Variants in TRUB1 observed in about 807,000 individuals in gnomAD.
The protein encoded by TRUB1 is TruB pseudouridine synthase family member 1.
A neutral mutation model predicts 33.9 loss-of-function variants in TRUB1; 23 were observed. That is an observed-to-expected ratio of 0.68 (90% CI 0.49 to 0.96). TRUB1 has a LOEUF of 0.96. TRUB1 is among the 40% of genes least tolerant of loss of function. TRUB1 has a pLI of 0.00. For synonymous variants in TRUB1, 163 were observed against 165.4 expected, an observed-to-expected ratio of 0.99 and a Z score of 0.11; for missense variants, 378 against 422.2, an observed-to-expected ratio of 0.90 and a Z score of 0.92.
chr10:114,954,294 C>T (rs535165963), intron 3 of TRUB1, among the ~76,000 whole-genome samples: 7 of 152,176 alleles, frequency 4.6e-5, no homozygotes, highest in Non-Finnish European at 8.8e-5. Context: ...AGCCTTCTCT[C>T]CCTAGCCAGT....
chr10:114,955,838 T>A (rs1285567442), intron 3 of TRUB1, among the ~76,000 whole-genome samples: 1 of 152,314 alleles, frequency 6.6e-6, no homozygotes, highest in Non-Finnish European at 1.5e-5. Flanking sequence ...GTATTGAAAA[T>A]TTTAAAGGGC....
chr10:114,970,327 T>C (rs1484653498), intron 4 of TRUB1, 41 bp from the exon 5 acceptor site: 2 of 1,395,840 alleles, frequency 1.4e-6, no homozygotes, highest in Non-Finnish European at 2.0e-6. Flanking sequence ...TACATGTACT[T>C]CTGTGGTTGT....
chr10:114,942,482 C>A (rs1242817738), intron 1 of TRUB1, among the ~76,000 whole-genome samples, 163 bp from the exon 2 acceptor site: 2 of 152,110 alleles, frequency 1.3e-5, no homozygotes, highest in Non-Finnish European at 2.9e-5. Flanking sequence ...ATTTTAAAAT[C>A]TTTTCTTTGC....
At chr10:114,942,590 A>T in intron 1 of TRUB1, 55 bp from the exon 2 acceptor site, 1 of 1,181,056 alleles carries the variant, frequency 8.5e-7, no homozygotes, top group Non-Finnish European at 1.3e-6. Flanking sequence ...GTTTATGAAG[A>T]TCCTACTTCA....
intron 4 of TRUB1, among the ~76,000 whole-genome samples, chr10:114,966,351 T>C (rs1592053468): frequency 1.3e-5 from 2 of 152,352 alleles, no homozygotes; most frequent in East Asian, 3.9e-4. Flanking sequence ...GATGTATTTA[T>C]TTTTAAACCA....
Position 114,976,278 on chromosome 10 carries a change from C to T in TRUB1, c.*899C>T, listed in dbSNP as rs2143042071. The T allele has an allele frequency of 6.6e-6, 1 of 152,264 alleles. No homozygotes were observed. The highest frequency in any genetic ancestry group is 1.5e-5 in the Non-Finnish European group (1 of 67,998). 9.4% of individuals were successfully genotyped at this position (152,264 alleles called of 1,614,324 possible). ...CTTTAGTTTGCTCTTTCAAGAGATA[C>T]TTACAGATGTTGAGATGGCTGCCCT... is the stretch of plus-strand genomic sequence containing the variant. On this transcript the variant is annotated 3_prime_UTR_variant, in exon 8 of 8. Coordinates refer to ENST00000298746, the MANE Select transcript of TRUB1 (RefSeq NM_139169.5).
intron 2 of TRUB1, among the ~76,000 whole-genome samples, chr10:114,945,199 A>T (rs1479967741): frequency 6.6e-6 from 1 of 152,238 alleles, no homozygotes; most frequent in Non-Finnish European, 1.5e-5. Flanking sequence ...ATTTGAGCCC[A>T]GATCTGCTCA....
intron 2 of TRUB1, 103 bp from the exon 3 acceptor site, chr10:114,950,991 T>G: frequency 1.0e-6 from 1 of 954,618 alleles, no homozygotes. Flanking sequence ...TCTTTCCCAC[T>G]TCACATTACC....
Position 114,975,666 on chromosome 10 carries a change from A to G in TRUB1, c.*287A>G, listed in dbSNP as rs1006039165. 1 of 215,030 alleles carries G rather than the reference A, an allele frequency of 4.7e-6. No homozygotes were observed. The highest frequency in any genetic ancestry group is 9.2e-6 in the Non-Finnish European group (1 of 108,580). 13.3% of individuals were successfully genotyped at this position (215,030 alleles called of 1,614,324 possible). ...CAGAAAAATTAACTTTCTGAATTTG[A>G]TCTGTCTTCAGTCTTGTGAAAAAGT... On this transcript the variant is annotated 3_prime_UTR_variant, in exon 8 of 8. Transcript: ENST00000298746.
Position 114,975,461 on chromosome 10 carries a change from G to T in TRUB1, c.*82G>T. 7.6e-7 allele frequency: 1 copy of T among 1,308,314 alleles called. No individual in the cohort carries two copies. Among genetic ancestry groups the T allele is most frequent in the Non-Finnish European group, 1.0e-6 (1 of 983,822 alleles). The allele number at this position is 1,308,314 out of a possible 1,614,324, so 81.0% of individuals were successfully genotyped here. A position where few individuals can be genotyped will look rare whatever the true frequency, so the allele number is the denominator to read the frequency against. On this transcript the variant is annotated 3_prime_UTR_variant, in exon 8 of 8. Transcript: ENST00000298746. ...GCAGAATGACAAGCTGCATTCAAAA[G>T]ACAAACAATATGTCTTTTTTTTTTT...
At chr10:114,953,589 A>G (rs988423029) in intron 3 of TRUB1, among the ~76,000 whole-genome samples, 4 of 152,196 alleles carry the variant, frequency 2.6e-5, no homozygotes, top group African/African-American at 7.2e-5. Flanking sequence ...TAATGACCAT[A>G]TAGATACATA....
chr10:114,965,578 C>T (rs2084303988), intron 4 of TRUB1, among the ~76,000 whole-genome samples: 1 of 152,222 alleles, frequency 6.6e-6, no homozygotes, highest in South Asian at 2.1e-4. Flanking sequence ...TGACCTCATA[C>T]AATAGTTTGG....
chr10:114,942,731 C>G lies in TRUB1; in HGVS notation c.373C>G (p.Arg125Gly). 1 of 1,612,488 alleles carries G rather than the reference C, an allele frequency of 6.2e-7. No homozygotes were observed. The highest frequency in any genetic ancestry group is 8.5e-7 in the Non-Finnish European group (1 of 1,178,662). The change falls in exon 2 of 8, where the codon CGA becomes GGA. Residue 125 changes from arginine to glycine, a missense_variant. Physicochemically the swap from Arg to Gly is moderately radical, Grantham distance 125 (BLOSUM62 -2). Coordinates refer to ENST00000298746, the MANE Select transcript of TRUB1 (RefSeq NM_139169.5). ...GHGGTLDSAA[R>G]GVLVVGIGSG... ...TGGAGGGACTCTAGACAGCGCAGCC[C>G]GAGGAGTTCTGGGTAAGAGATATGA...
At chr10:114,950,087 G>A (rs920680573) in intron 2 of TRUB1, among the ~76,000 whole-genome samples, 43 of 151,820 alleles carry the variant, frequency 2.8e-4, no homozygotes, top group Non-Finnish European at 6.3e-4. Context: ...TAGTAGAGAC[G>A]GGGTTTCTCC....
At chr10:114,974,942 A>G (rs939985669) in intron 7 of TRUB1, among the ~76,000 whole-genome samples, 181 bp from the exon 8 acceptor site, 15 of 152,122 alleles carry the variant, frequency 9.9e-5, no homozygotes, top group African/African-American at 3.4e-4. Context: ...TGGATTATTA[A>G]GTATTATTTT....
At chr10:114,957,378 TTAC>T (rs2084266054) in intron 3 of TRUB1, among the ~76,000 whole-genome samples, 1 of 152,250 alleles carries the variant, frequency 6.6e-6, no homozygotes, top group African/African-American at 2.4e-5. Context: ...AGTTTTCCTG[TTAC>T]ACTGTAACCT....
chr10:114,938,381 T>C lies in TRUB1; in HGVS notation c.128T>C (p.Val43Ala), dbSNP rs1564696051. 1 of 1,609,236 alleles carries C rather than the reference T, an allele frequency of 6.2e-7. No individual in the cohort carries two copies. Among genetic ancestry groups the C allele is most frequent in the South Asian group, 1.1e-5 (1 of 90,776 alleles). Reference sequence around the variant, plus strand: ...CCGTCAGCAAGGGCTGCAGCCGCGGTGGTTGCGGCCGCGGCCAGGACCGGA... The same window carrying C: ...CCGTCAGCAAGGGCTGCAGCCGCGGCGGTTGCGGCCGCGGCCAGGACCGGA... ...ATPSARAAAA[V>A]VAAAARTGSE... The change falls in exon 1 of 8, where the codon GTG becomes GCG. Residue 43 changes from valine to alanine, a missense_variant. By Grantham distance (64) the Val-to-Ala change is moderately conservative (BLOSUM62 0). Transcript: ENST00000298746.
intron 4 of TRUB1, among the ~76,000 whole-genome samples, chr10:114,963,216 T>A (rs1246234346): frequency 1.3e-5 from 2 of 152,182 alleles, no homozygotes; most frequent in Non-Finnish European, 2.9e-5. Context: ...CACCCCTTAG[T>A]CCTGAGATCA....
At chr10:114,948,619 T>A (rs566461172) in intron 2 of TRUB1, among the ~76,000 whole-genome samples, 104 of 152,344 alleles carry the variant, frequency 6.8e-4, no homozygotes, top group African/African-American at 2.4e-3. Flanking sequence ...GCCACCACCA[T>A]ATTAGTCTTC....
Sources: gnomAD v4.1 joint callset for allele counts (sites outside exome capture counted in the v4.1 genomes callset) on GRCh38, gnomAD v4.1.1 for gene constraint, MANE v1.5 for transcripts, NCBI Gene and HGNC (gene_info 2026-07-23, HGNC 2026-07-21) for gene names.